The following PCDH15 variants were observed in gnomAD, a reference collection of about 807,000 sequenced individuals.
PCDH15 encodes the protein protocadherin-15.
In PCDH15, 129 loss-of-function variants were observed where a neutral mutation model predicts 178.5. That is an observed-to-expected ratio of 0.72 (90% CI 0.63 to 0.84). PCDH15 has a LOEUF of 0.84. PCDH15 is among the 40% of genes least tolerant of loss of function. PCDH15 has a pLI of 0.00. For synonymous variants in PCDH15, 800 were observed against 732.0 expected (o/e 1.09, Z -1.50); for missense variants, 2,230 against 2,099.9 (o/e 1.06, Z -1.21).
At chr10:53,963,219 TG>T (rs1345208350) in intron 21 of PCDH15, among the ~76,000 whole-genome samples, 2 of 152,048 alleles carry the variant, frequency 1.3e-5, no homozygotes, top group African/African-American at 4.8e-5. Context: ...AGTTGGGCTA[TG>T]AGATAAATAT....
chr10:55,362,181 T>C (rs1489972725), intron 2 of PCDH15, among the ~76,000 whole-genome samples: 1 of 152,094 alleles, frequency 6.6e-6, no homozygotes, highest in African/African-American at 2.4e-5. Context: ...ATGTCTGAGA[T>C]TTCAACCCAT....
intron 2 of PCDH15, among the ~76,000 whole-genome samples, chr10:54,979,572 G>A (rs1839167163): frequency 6.6e-6 from 1 of 150,426 alleles, no homozygotes; most frequent in Admixed American, 6.7e-5. Context: ...GGGAGACTGA[G>A]GCAGGAGAAT....
chr10:54,162,216 GT>G, intron 13 of PCDH15, among the ~76,000 whole-genome samples: 1 of 152,128 alleles, frequency 6.6e-6, no homozygotes, highest in Non-Finnish European at 1.5e-5. Flanking sequence ...ACCTCACAAA[GT>G]TTAGATCTTG....
intron 3 of PCDH15, among the ~76,000 whole-genome samples, chr10:54,515,156 C>T (rs2082082248): frequency 6.6e-6 from 1 of 152,172 alleles, no homozygotes. Context: ...GCACCGTGCA[C>T]CAGCCAAAGC....
chr10:54,769,165 A>C (rs1948819926), intron 1 of PCDH15, among the ~76,000 whole-genome samples: 1 of 152,132 alleles, frequency 6.6e-6, no homozygotes, highest in Non-Finnish European at 1.5e-5. Context: ...GTTGTTAAAC[A>C]CTAATAATAA....
intron 1 of PCDH15, among the ~76,000 whole-genome samples, chr10:55,294,446 T>A (rs1843085310): frequency 6.6e-6 from 1 of 152,214 alleles, no homozygotes; most frequent in Non-Finnish European, 1.5e-5. Flanking sequence ...AACTTCATAC[T>A]GAAGTAATGA....
rs928868716 is a variant in PCDH15 at position 54,511,775 on chromosome 10, C to T, written c.157+16037G>A. Among the ~76,000 whole-genome samples, 4 of 152,130 alleles carry T rather than the reference C, an allele frequency of 2.6e-5. No individual in the cohort carries two copies. The South Asian group carries it at 8.3e-4, about 31-fold the overall frequency. On this transcript the variant is annotated intron_variant, in intron 3 of 37. Coordinates refer to ENST00000644397, the MANE Select transcript of PCDH15 (RefSeq NM_001384140.1). Reference sequence around the variant, plus strand: ...TTTTTAGTTTCAAATTTTCTCTATACATTTTTAATAGCATTGTTTAATACA... The same window carrying T: ...TTTTTAGTTTCAAATTTTCTCTATATATTTTTAATAGCATTGTTTAATACA...
intron 3 of PCDH15, among the ~76,000 whole-genome samples, chr10:54,511,392 T>C (rs1255676492): frequency 2.0e-5 from 3 of 152,150 alleles, no homozygotes; most frequent in Non-Finnish European, 4.4e-5. Flanking sequence ...TAACTTTTCC[T>C]TCCCAGCTGC....
intron 3 of PCDH15, among the ~76,000 whole-genome samples, chr10:54,840,982 G>C (rs1953408010): frequency 6.6e-6 from 1 of 151,714 alleles, no homozygotes; most frequent in African/African-American, 2.4e-5. Flanking sequence ...AATAGTAAGA[G>C]ACTTCACCAC....
chr10:53,910,720 C>T (rs1366071346), intron 25 of PCDH15, among the ~76,000 whole-genome samples: 3 of 151,992 alleles, frequency 2.0e-5, no homozygotes, highest in African/African-American at 4.8e-5. Flanking sequence ...CTTGTCCGAG[C>T]TAAAGAAGGA....
intron 2 of PCDH15, among the ~76,000 whole-genome samples, chr10:55,561,473 T>C (rs1310779800): frequency 6.6e-6 from 1 of 151,930 alleles, no homozygotes; most frequent in Non-Finnish European, 1.5e-5. Context: ...ATAAAAATTG[T>C]TTATGAATGA....
intron 3 of PCDH15, among the ~76,000 whole-genome samples, chr10:54,401,905 C>T (rs1302605953): frequency 1.3e-5 from 2 of 151,826 alleles, no homozygotes; most frequent in African/African-American, 4.8e-5. Context: ...TTGATGCTAG[C>T]ATAACCCTGA....
chr10:54,772,871 A>T (rs753132166), intron 1 of PCDH15, among the ~76,000 whole-genome samples: 2 of 152,202 alleles, frequency 1.3e-5, no homozygotes, highest in Non-Finnish European at 2.9e-5. Context: ...AACATAAATG[A>T]CTATCAATGA....
chr10:54,272,564 A>T (rs1180648470), intron 8 of PCDH15, among the ~76,000 whole-genome samples: 2 of 152,180 alleles, frequency 1.3e-5, no homozygotes, highest in Non-Finnish European at 2.9e-5. Context: ...TTAAGTAAAC[A>T]TTCTATAGAA....
intron 2 of PCDH15, among the ~76,000 whole-genome samples, chr10:55,343,354 G>A (rs1458951694): frequency 6.6e-6 from 1 of 152,122 alleles, no homozygotes; most frequent in Admixed American, 6.6e-5. Context: ...TTGATGGTAT[G>A]ACCTGGAATT....
intron 20 of PCDH15, among the ~76,000 whole-genome samples, chr10:54,012,400 C>A (rs1371678841): frequency 6.6e-6 from 1 of 152,036 alleles, no homozygotes; most frequent in Non-Finnish European, 1.5e-5. Context: ...ACTTCCCAAC[C>A]TCACTAGAGA....
At chr10:54,052,818 G>T (rs1198547712) in intron 18 of PCDH15, among the ~76,000 whole-genome samples, 2 of 152,106 alleles carry the variant, frequency 1.3e-5, no homozygotes, top group South Asian at 4.1e-4. Context: ...CGCATGTGTT[G>T]TGGGAGGAAC....
chr10:55,172,379 AT>A (rs906441442), intron 1 of PCDH15, among the ~76,000 whole-genome samples: 1 of 151,902 alleles, frequency 6.6e-6, no homozygotes, highest in East Asian at 1.9e-4. Context: ...TGATTTTTGA[AT>A]TTTTTTTCTG....
At position 54,667,916 on chromosome 10, in the gene PCDH15, A is replaced by G. The variant is rs1268639299; in HGVS notation, c.-28-3626T>C. 3.3e-5 allele frequency among the ~76,000 whole-genome samples: 5 copies of G among 152,174 alleles called. No homozygotes were observed. The East Asian group carries it at 7.7e-4, about 23-fold the overall frequency. Reference sequence around the variant, plus strand: ...GTATTCTGTTGTCAAAATACTGGGGAAAAGTGTTTTTTTCCTATTACAGTA... The same window carrying G: ...GTATTCTGTTGTCAAAATACTGGGGGAAAGTGTTTTTTTCCTATTACAGTA... On this transcript the variant is annotated intron_variant, in intron 1 of 37. Transcript: ENST00000644397.
Sources: allele counts gnomAD v4.1 joint callset (sites outside exome capture counted in the v4.1 genomes callset), GRCh38; gene constraint gnomAD v4.1.1; transcripts MANE v1.5; gene names NCBI Gene and HGNC (gene_info 2026-07-23, HGNC 2026-07-21).